CNGB3: variants seen among roughly 807,000 people sequenced by gnomAD.
The protein encoded by CNGB3 is cyclic nucleotide gated channel subunit beta 3.
A neutral mutation model predicts 92.8 loss-of-function variants in CNGB3; 86 were observed. That is an observed-to-expected ratio of 0.93 (90% CI 0.78 to 1.11). CNGB3 has a LOEUF of 1.11. CNGB3 is among the 50% of genes least tolerant of loss of function. The pLI, the probability that CNGB3 is intolerant of heterozygous loss-of-function variation, is 0.00. For missense variants in CNGB3, 1,026 were observed against 956.8 expected, an observed-to-expected ratio of 1.07 and a Z score of -0.95; for synonymous variants, 333 against 332.7, an observed-to-expected ratio of 1.00 and a Z score of -0.01.
At chr8:86,684,697 A>C (rs1596027) in intron 3 of CNGB3, among the ~76,000 whole-genome samples, 1 of 151,528 alleles carries the variant, frequency 6.6e-6, no homozygotes, top group Non-Finnish European at 1.5e-5. Context: ...TGCACACACA[A>C]TTTAGAAAGA....
At chr8:86,582,694 GA>G (rs895002521) in intron 15 of CNGB3, among the ~76,000 whole-genome samples, 23 of 152,004 alleles carry the variant, frequency 1.5e-4, no homozygotes, top group African/African-American at 5.3e-4. Flanking sequence ...AGTGTTGCAA[GA>G]AAAAACTACC....
At chr8:86,701,001 A>G (rs1317442484) in intron 3 of CNGB3, among the ~76,000 whole-genome samples, 1 of 152,216 alleles carries the variant, frequency 6.6e-6, no homozygotes, top group Non-Finnish European at 1.5e-5. Context: ...ATCATGGTCC[A>G]TATAGTTTAA....
intron 15 of CNGB3, among the ~76,000 whole-genome samples, chr8:86,582,782 C>G (rs185251936): frequency 6.6e-6 from 1 of 152,088 alleles, no homozygotes; most frequent in African/African-American, 2.4e-5. Context: ...AAAACAAAAA[C>G]AGAGGGAATC....
chr8:86,626,194 A>G (rs1347452179), intron 12 of CNGB3, 114 bp from the exon 13 acceptor site: 7 of 759,338 alleles, frequency 9.2e-6, no homozygotes, highest in Admixed American at 8.1e-5. Flanking sequence ...AACACTTTTT[A>G]TACATAATTA....
intron 3 of CNGB3, among the ~76,000 whole-genome samples, chr8:86,719,066 A>G (rs535194797): frequency 1.3e-5 from 2 of 151,974 alleles, no homozygotes; most frequent in Admixed American, 1.3e-4. Flanking sequence ...CCAACATTAT[A>G]CTAGATGGGG....
chr8:86,732,343 G>T (rs1007162020), intron 2 of CNGB3, among the ~76,000 whole-genome samples: 66 of 152,272 alleles, frequency 4.3e-4, no homozygotes, highest in African/African-American at 1.3e-3. Context: ...AACCTCAATG[G>T]TGGTCTGAAG....
Position 86,668,100 on chromosome 8 carries a change from A to G in CNGB3, c.562T>C (p.Leu188=), listed in dbSNP as rs76237620. Residue 188 remains leucine, a synonymous_variant, in exon 5 of 18, where the codon TTG becomes CTG. Transcript: ENST00000320005. The stretch of plus-strand genomic sequence containing the variant: ...GGCATCTTTTTGACTTTGAACCACA[A>G]CAGCCTGTAGTAATGTTCTGTTGGC... ...DKPTEHYYRL[L]WFKVKKMPLT... is the part of the protein sequence containing the mutation. 2.5e-6 allele frequency: 4 copies of G among 1,613,626 alleles called. No homozygotes were observed. The highest frequency in any genetic ancestry group is 1.1e-5 in the South Asian group (1 of 91,060).
intron 6 of CNGB3, 135 bp downstream of exon 6, chr8:86,666,790 T>C: frequency 1.3e-6 from 1 of 759,126 alleles, no homozygotes; most frequent in Admixed American, 2.0e-5. Context: ...TTTCTTGTTA[T>C]TATTGCTCAT....
rs1430068740 is a variant in CNGB3 at position 86,668,187 on chromosome 8, A to G, written c.494-19T>C. The G allele has an allele frequency of 6.2e-7, 1 of 1,613,380 alleles. No individual in the cohort carries two copies. The highest frequency in any genetic ancestry group is 1.3e-5 in the African/African-American group (1 of 74,874). On this transcript the variant is annotated intron_variant, in intron 4 of 17. Coordinates refer to ENST00000320005, the MANE Select transcript of CNGB3 (RefSeq NM_019098.5). ...GGCTTTGCTTCATAGGGAAAAAAAA[A>G]AAGATGAAACATTTGAAGAGGTTAA...
intron 12 of CNGB3, among the ~76,000 whole-genome samples, chr8:86,627,184 C>A (rs1451664089): frequency 6.6e-6 from 1 of 152,048 alleles, no homozygotes; most frequent in African/African-American, 2.4e-5. Context: ...AATATAGATT[C>A]TAAATATGAA....
intron 6 of CNGB3, chr8:86,659,005 G>A: frequency 9.6e-7 from 1 of 1,036,756 alleles, no homozygotes; most frequent in Non-Finnish European, 1.5e-6. Flanking sequence ...AGACCCTCCA[G>A]CTCCTTCCGC....
chr8:86,726,764 T>A, intron 2 of CNGB3, 107 bp from the exon 3 acceptor site: 1 of 1,283,456 alleles, frequency 7.8e-7, no homozygotes, highest in South Asian at 1.2e-5. Flanking sequence ...AGAATAGTCT[T>A]CTCAAGAACA....
intron 3 of CNGB3, among the ~76,000 whole-genome samples, chr8:86,695,921 G>C (rs1448192182): frequency 2.0e-5 from 3 of 152,040 alleles, no homozygotes; most frequent in Non-Finnish European, 4.4e-5. Context: ...TTGTTCTTCT[G>C]AATCCAGCCA....
intron 3 of CNGB3, among the ~76,000 whole-genome samples, chr8:86,698,159 A>G (rs761697678): frequency 6.6e-5 from 10 of 152,204 alleles, no homozygotes; most frequent in Non-Finnish European, 1.0e-4. Flanking sequence ...TCCAGATTCT[A>G]TATCATATCC....
chr8:86,668,205 G>T (rs780538842), intron 4 of CNGB3, 37 bp from the exon 5 acceptor site: 1 of 1,609,784 alleles, frequency 6.2e-7, no homozygotes, highest in East Asian at 2.2e-5. Context: ...AACATTTGAA[G>T]AGGTTAAGTT....
chr8:86,652,206 TA>T (rs1320557363), intron 7 of CNGB3, among the ~76,000 whole-genome samples: 2 of 151,944 alleles, frequency 1.3e-5, no homozygotes, highest in African/African-American at 4.8e-5. Context: ...CAGTTAAAAA[TA>T]TGATACGAAA....
At chr8:86,587,996 T>G (rs1821933913) in intron 15 of CNGB3, among the ~76,000 whole-genome samples, 6 of 148,112 alleles carry the variant, frequency 4.1e-5, no homozygotes, top group Admixed American at 4.0e-4. Flanking sequence ...CATTTGTTTG[T>G]ATCCTCTTTT....
intron 6 of CNGB3, chr8:86,661,299 A>G (rs1823635827): frequency 2.7e-6 from 1 of 375,766 alleles, no homozygotes; most frequent in Non-Finnish European, 5.4e-6. Flanking sequence ...CCAGTCATGT[A>G]CTGTCATTTA....
chr8:86,671,184 A>G, intron 3 of CNGB3, 86 bp from the exon 4 acceptor site: 1 of 1,459,890 alleles, frequency 6.8e-7, no homozygotes, highest in Admixed American at 1.7e-5. Context: ...CCTTCCTTAT[A>G]TATTCAAGAT....
Sources: gnomAD v4.1 joint callset for allele counts (sites outside exome capture counted in the v4.1 genomes callset) on GRCh38, gnomAD v4.1.1 for gene constraint, MANE v1.5 for transcripts, NCBI Gene and HGNC (gene_info 2026-07-23, HGNC 2026-07-21) for gene names.